MACIR: variants seen among roughly 807,000 people sequenced by gnomAD.
The protein encoded by MACIR is macrophage immunometabolism regulator, also known as UNC119-binding protein C5orf30.
In MACIR, 4 loss-of-function variants were observed where a neutral mutation model predicts 14.3. That is an observed-to-expected ratio of 0.28 (90% CI 0.14 to 0.64). The LOEUF is 0.64. MACIR is among the 30% of genes least tolerant of loss of function. The pLI is 0.83. For missense variants in MACIR, 228 were observed against 257.6 expected (o/e 0.89, Z 0.79); for synonymous variants, 101 against 102.4 (o/e 0.99, Z 0.08).
At chr5:103,268,271 G>A (rs562871466) in intron 2 of MACIR, among the ~76,000 whole-genome samples, 8 of 152,126 alleles carry the variant, frequency 5.3e-5, no homozygotes, top group Non-Finnish European at 1.0e-4. Context: ...GTTCTCTAAC[G>A]TAGCTGCACC....
chr5:103,272,837 T>C (rs1309220801), intron 2 of MACIR, among the ~76,000 whole-genome samples: 1 of 152,222 alleles, frequency 6.6e-6, no homozygotes, highest in Non-Finnish European at 1.5e-5. Flanking sequence ...TGGCAGTATA[T>C]TGCAGAGACC....
chr5:103,268,221 T>C (rs997022732), intron 2 of MACIR, among the ~76,000 whole-genome samples: 2 of 152,196 alleles, frequency 1.3e-5, no homozygotes, highest in Non-Finnish European at 2.9e-5. Flanking sequence ...CTGTGTTGTT[T>C]AATGAACATT....
At chr5:103,273,421 T>G (rs1480929081) in intron 2 of MACIR, among the ~76,000 whole-genome samples, 1 of 152,196 alleles carries the variant, frequency 6.6e-6, no homozygotes, top group Non-Finnish European at 1.5e-5. Flanking sequence ...ATAGTGTCTA[T>G]TTCTTATCAA....
chr5:103,271,888 T>C (rs781954974), intron 2 of MACIR, among the ~76,000 whole-genome samples: 2 of 152,222 alleles, frequency 1.3e-5, no homozygotes, highest in Non-Finnish European at 2.9e-5. Context: ...CTTTAAATTA[T>C]ATATGAAAGG....
At chr5:103,267,774 G>A (rs769756075) in intron 2 of MACIR, among the ~76,000 whole-genome samples, 1 of 152,104 alleles carries the variant, frequency 6.6e-6, no homozygotes, top group Non-Finnish European at 1.5e-5. Flanking sequence ...ACGGTTTGAT[G>A]CATTTTGACA....
intron 2 of MACIR, among the ~76,000 whole-genome samples, chr5:103,271,663 G>A (rs957111382): frequency 9.2e-5 from 14 of 152,060 alleles, no homozygotes; most frequent in Non-Finnish European, 1.6e-4. Flanking sequence ...TGGATTGTGA[G>A]GGAATTAGAT....
chr5:103,261,713 T>C (rs956216081), intron 1 of MACIR, among the ~76,000 whole-genome samples: 44 of 145,834 alleles, frequency 3.0e-4, no homozygotes, highest in African/African-American at 8.3e-4. Context: ...TTCCTTTCTT[T>C]CTTTCTTTCT....
rs1208730013 is a variant in MACIR at position 103,276,904 on chromosome 5, T to G, written c.*364T>G. 3 of 180,992 alleles carry G rather than the reference T, an allele frequency of 1.7e-5. No homozygotes were observed. 11.2% of individuals were successfully genotyped at this position (180,992 alleles called of 1,614,324 possible). On this transcript the variant is annotated 3_prime_UTR_variant, in exon 3 of 3. Transcript: ENST00000319933. ...TGACTTGATATGATTCATTAGAAAT[T>G]TATATCTTCAGTACTCAAGTACTTC...
rs554915851 is a variant in MACIR at position 103,275,856 on chromosome 5, T to C, written c.-23-41T>C. 21 of 1,532,762 alleles carry C rather than the reference T, an allele frequency of 1.4e-5. 1 individual carries two copies. The highest frequency in any genetic ancestry group is 1.8e-5 in the Non-Finnish European group (21 of 1,135,852). 94.9% of individuals were successfully genotyped at this position (1,532,762 alleles called of 1,614,324 possible). Reference sequence around the variant, plus strand: ...AAGGACCTGGCCTGGCCCAAGTCTCTGTGCATTATATTCTTCTAATCTAAG... The same window carrying C: ...AAGGACCTGGCCTGGCCCAAGTCTCCGTGCATTATATTCTTCTAATCTAAG... On this transcript the variant is annotated intron_variant, in intron 2 of 2. Transcript: ENST00000319933.
intron 2 of MACIR, among the ~76,000 whole-genome samples, chr5:103,273,347 ATT>A (rs11304473): frequency 2.4e-4 from 36 of 147,474 alleles, no homozygotes; most frequent in Middle Eastern, 3.5e-3. Flanking sequence ...AAGCCAATTG[ATT>A]TTTTTTTTTT....
rs145545342 is a variant in MACIR, at chr5:103,276,237, G to A, written c.318G>A (p.Leu106=). ...CAGGACTTGCCCGTTCCTCTCGTTTGTATAAAACCAGAAGTAGGTACTACC... is the reference window on the plus strand; with the variant it reads ...CAGGACTTGCCCGTTCCTCTCGTTTATATAAAACCAGAAGTAGGTACTACC... ...LDAGLARSSR[L]YKTRSRYYQP... is the part of the protein sequence containing the mutation. Residue 106 remains leucine, a synonymous_variant, in exon 3 of 3, where the codon TTG becomes TTA. Coordinates refer to ENST00000319933, the MANE Select transcript of MACIR (RefSeq NM_033211.4). 5.6e-6 allele frequency: 9 copies of A among 1,613,048 alleles called. 1 individual carries two copies. The highest frequency in any genetic ancestry group is 1.6e-4 in the Middle Eastern group (1 of 6,084).
chr5:103,276,465 T>C lies in MACIR; in HGVS notation c.546T>C (p.Asp182=), dbSNP rs17155192. 0.02 allele frequency: 31,703 copies of C among 1,613,938 alleles called. 1,798 individuals are homozygous for C. In the African/African-American group the frequency reaches 0.21, roughly 11 times the overall value. Residue 182 remains aspartate, a synonymous_variant, in exon 3 of 3, where the codon GAT becomes GAC. Coordinates refer to ENST00000319933, the MANE Select transcript of MACIR (RefSeq NM_033211.4). ...NLDKMIKEPA[D]TEVLQYQLQH... Reference sequence around the variant, plus strand: ...ATAAAATGATCAAGGAGCCAGCTGATACAGAAGTGCTACAGTACCAGCTTC... The same window carrying C: ...ATAAAATGATCAAGGAGCCAGCTGACACAGAAGTGCTACAGTACCAGCTTC...
intron 2 of MACIR, among the ~76,000 whole-genome samples, chr5:103,270,223 C>G (rs868909309): frequency 6.6e-6 from 1 of 152,222 alleles, no homozygotes; most frequent in African/African-American, 2.4e-5. Flanking sequence ...AAACCAGAAA[C>G]ATTATTAATA....
At chr5:103,261,997 A>G (rs2149921075) in intron 1 of MACIR, among the ~76,000 whole-genome samples, 1 of 152,150 alleles carries the variant, frequency 6.6e-6, no homozygotes, top group East Asian at 1.9e-4. Context: ...TTTGTTAGTG[A>G]TCTGTGCTGA....
At chr5:103,267,798 A>T (rs1804981242) in intron 2 of MACIR, among the ~76,000 whole-genome samples, 1 of 152,172 alleles carries the variant, frequency 6.6e-6, no homozygotes, top group Admixed American at 6.5e-5. Flanking sequence ...GTATCCAGTT[A>T]TGTAATGACC....
rs1214856531 is a variant in MACIR at position 103,277,356 on chromosome 5, C to G, written c.*816C>G. ...GCTTATTTTCTAACTTAAAATTCAC[C>G]TGGAACTTTAAATGGGAAAGGATTC... On this transcript the variant is annotated 3_prime_UTR_variant, in exon 3 of 3. Coordinates refer to ENST00000319933, the MANE Select transcript of MACIR (RefSeq NM_033211.4). 1 of 166,926 alleles carries G rather than the reference C, an allele frequency of 6.0e-6. No homozygotes were observed. Among genetic ancestry groups the G allele is most frequent in the African/African-American group, 2.4e-5 (1 of 41,376 alleles). The allele number at this position is 166,926 out of a possible 1,614,324, so 10.3% of individuals were successfully genotyped here. A position where few individuals can be genotyped will look rare whatever the true frequency, so the allele number is the denominator to read the frequency against.
At chr5:103,260,421 G>A (rs1279202849) in intron 1 of MACIR, among the ~76,000 whole-genome samples, 1 of 151,946 alleles carries the variant, frequency 6.6e-6, no homozygotes, top group African/African-American at 2.4e-5. Flanking sequence ...ACACTATTAA[G>A]TTTAATGAAT....
At chr5:103,268,865 C>G (rs1805022427) in intron 2 of MACIR, among the ~76,000 whole-genome samples, 1 of 151,976 alleles carries the variant, frequency 6.6e-6, no homozygotes, top group African/African-American at 2.4e-5. Context: ...TCAGTGTCTT[C>G]TCTATATTTC....
At chr5:103,264,549 T>C (rs1804853219) in intron 1 of MACIR, among the ~76,000 whole-genome samples, 1 of 152,176 alleles carries the variant, frequency 6.6e-6, no homozygotes, top group Non-Finnish European at 1.5e-5. Context: ...TTACTGTGTG[T>C]TAAAACCAGA....
Sources: allele counts gnomAD v4.1 joint callset (sites outside exome capture counted in the v4.1 genomes callset), GRCh38; gene constraint gnomAD v4.1.1; transcripts MANE v1.5; gene names NCBI Gene and HGNC (gene_info 2026-07-23, HGNC 2026-07-21).